The following SLC25A21 variants were observed in gnomAD, a reference collection of about 807,000 sequenced individuals.
SLC25A21 encodes the protein solute carrier family 25 member 21.
SLC25A21 carries 47 observed loss-of-function variants against 43.8 expected under a neutral mutation model. That is an observed-to-expected ratio of 1.07 (90% CI 0.85 to 1.37). SLC25A21 has a LOEUF of 1.37. Among genes scored for constraint, SLC25A21 ranks in the 40% most tolerant of loss-of-function variants. The pLI is 0.00. For synonymous variants in SLC25A21, 131 were observed against 121.3 expected, an observed-to-expected ratio of 1.08 and a Z score of -0.52; for missense variants, 352 against 350.2, an observed-to-expected ratio of 1.00 and a Z score of -0.04.
chr14:37,074,207 T>TAA (rs201320139), intron 1 of SLC25A21, among the ~76,000 whole-genome samples: 1 of 145,530 alleles, frequency 6.9e-6, no homozygotes, highest in African/African-American at 2.5e-5. Flanking sequence ...CAACTGCAGT[T>TAA]AAAAAAAAAA....
At chr14:37,124,409 G>A (rs372333097) in intron 1 of SLC25A21, among the ~76,000 whole-genome samples, 1 of 151,908 alleles carries the variant, frequency 6.6e-6, no homozygotes, top group Admixed American at 6.6e-5. Context: ...GTAAACAGAA[G>A]ATCTAGTTTA....
intron 1 of SLC25A21, among the ~76,000 whole-genome samples, chr14:36,904,505 C>G (rs139067554): frequency 6.6e-6 from 1 of 152,156 alleles, no homozygotes; most frequent in Non-Finnish European, 1.5e-5. Flanking sequence ...TTTTCTCCCT[C>G]TTCAATCAAA....
At chr14:37,138,688 T>C (rs575209471) in intron 1 of SLC25A21, among the ~76,000 whole-genome samples, 64 of 152,202 alleles carry the variant, frequency 4.2e-4, no homozygotes, top group African/African-American at 1.5e-3. Context: ...TTTCCTTCAT[T>C]GAAATGTTAA....
At chr14:36,921,662 G>A (rs950745665) in intron 1 of SLC25A21, among the ~76,000 whole-genome samples, 4 of 152,120 alleles carry the variant, frequency 2.6e-5, no homozygotes, top group African/African-American at 9.7e-5. Flanking sequence ...TTGGAATAGT[G>A]GTTATCCTTG....
rs147170042 is a variant in SLC25A21, at chr14:37,013,270, C to A, written c.71-138266G>T. Among the ~76,000 whole-genome samples, 409 of 152,172 alleles carry A rather than the reference C, an allele frequency of 2.7e-3. 1 individual carries two copies. Among genetic ancestry groups the A allele is most frequent in the Non-Finnish European group, 2.9e-3 (195 of 68,010 alleles). On this transcript the variant is annotated intron_variant, in intron 1 of 9. Transcript: ENST00000331299. ...TTACAGATAAAGATCAACTCAATGG[C>A]ATTTTAGAAAATTAGTTGTGTCTAA... is the stretch of plus-strand genomic sequence containing the variant.
intron 5 of SLC25A21, among the ~76,000 whole-genome samples, chr14:36,727,834 T>A (rs1225102791): frequency 6.6e-6 from 1 of 152,246 alleles, no homozygotes; most frequent in Non-Finnish European, 1.5e-5. Context: ...TCATCAAATA[T>A]TTTATTCATT....
intron 1 of SLC25A21, among the ~76,000 whole-genome samples, chr14:37,068,617 T>C (rs1962108835): frequency 6.6e-6 from 1 of 152,234 alleles, no homozygotes; most frequent in Non-Finnish European, 1.5e-5. Context: ...TCTATTTTAG[T>C]CACTTGTCTG....
intron 6 of SLC25A21, among the ~76,000 whole-genome samples, chr14:36,712,056 G>C (rs1230893963): frequency 1.3e-5 from 2 of 152,182 alleles, no homozygotes; most frequent in Non-Finnish European, 2.9e-5. Context: ...TATCACTGCT[G>C]TGATAAATTC....
At chr14:36,955,810 T>C (rs1959325756) in intron 1 of SLC25A21, among the ~76,000 whole-genome samples, 1 of 152,190 alleles carries the variant, frequency 6.6e-6, no homozygotes, top group Non-Finnish European at 1.5e-5. Flanking sequence ...TTAAGAACTG[T>C]TGCCTGTGAG....
At chr14:36,891,326 C>T (rs1333954495) in intron 1 of SLC25A21, among the ~76,000 whole-genome samples, 1 of 152,068 alleles carries the variant, frequency 6.6e-6, no homozygotes, top group Non-Finnish European at 1.5e-5. Context: ...AGTAAATTAA[C>T]ATTTATCTAT....
At chr14:37,073,664 G>C (rs2138828611) in intron 1 of SLC25A21, among the ~76,000 whole-genome samples, 1 of 152,232 alleles carries the variant, frequency 6.6e-6, no homozygotes, top group East Asian at 1.9e-4. Flanking sequence ...CCTCCAGCCT[G>C]CCCCTGCTAC....
At chr14:36,688,964 G>A (rs1882673618) in intron 7 of SLC25A21, among the ~76,000 whole-genome samples, 1 of 152,220 alleles carries the variant, frequency 6.6e-6, no homozygotes. Flanking sequence ...GTTAGTGGGT[G>A]GGTTGGTGAG....
At chr14:37,153,456 A>C (rs1044716867) in intron 1 of SLC25A21, among the ~76,000 whole-genome samples, 1 of 152,216 alleles carries the variant, frequency 6.6e-6, no homozygotes, top group African/African-American at 2.4e-5. Flanking sequence ...ACTGGCATGT[A>C]AGTGAGCAGA....
At chr14:36,683,084 G>A (rs1229652379) in intron 9 of SLC25A21, among the ~76,000 whole-genome samples, 1 of 152,136 alleles carries the variant, frequency 6.6e-6, no homozygotes, top group Non-Finnish European at 1.5e-5. Context: ...AGTGTAGCCT[G>A]ATAAAAAAAA....
chr14:36,952,510 TTTA>T (rs1892838167), intron 1 of SLC25A21: 2 of 152,154 alleles, frequency 1.3e-5, no homozygotes, highest in African/African-American at 4.8e-5. Context: ...TTTTCTTAAT[TTTA>T]TTACTATACT....
At chr14:37,048,103 C>T (rs965709471) in intron 1 of SLC25A21, among the ~76,000 whole-genome samples, 4 of 152,104 alleles carry the variant, frequency 2.6e-5, no homozygotes, top group African/African-American at 9.7e-5. Flanking sequence ...GAAGCTCTTC[C>T]ATTGTTTACA....
chr14:36,961,791 T>C (rs1349404444), intron 1 of SLC25A21, among the ~76,000 whole-genome samples: 1 of 152,188 alleles, frequency 6.6e-6, no homozygotes, highest in Admixed American at 6.5e-5. Context: ...TAGAGAGGCA[T>C]ACCCCTCCCT....
At chr14:36,888,549 T>C (rs1890989088) in intron 1 of SLC25A21, among the ~76,000 whole-genome samples, 1 of 151,932 alleles carries the variant, frequency 6.6e-6, no homozygotes, top group Non-Finnish European at 1.5e-5. Context: ...ATGTTATATA[T>C]ATAAATATGT....
chr14:36,944,376 T>C (rs76788763), intron 1 of SLC25A21, among the ~76,000 whole-genome samples: 2,699 of 152,070 alleles, frequency 0.018, 73 homozygotes, highest in African/African-American at 0.061. Flanking sequence ...GCGGTAGGAG[T>C]TGGCAGGTTG....
Sources: allele counts gnomAD v4.1 joint callset (sites outside exome capture counted in the v4.1 genomes callset), GRCh38; gene constraint gnomAD v4.1.1; transcripts MANE v1.5; gene names NCBI Gene and HGNC (gene_info 2026-07-23, HGNC 2026-07-21).